The following MYRIP variants were observed in gnomAD, a reference collection of about 807,000 sequenced individuals.
The protein encoded by MYRIP is rab effector MyRIP.
In MYRIP, 49 loss-of-function variants were observed where a neutral mutation model predicts 98.0. The observed-to-expected ratio is 0.50, with a 90% CI of 0.40 to 0.63. The LOEUF is 0.63. Among genes scored for constraint, MYRIP ranks in the 30% least tolerant of loss-of-function variants. MYRIP has a pLI of 0.00. For missense variants in MYRIP, 1,004 were observed against 1,058.2 expected, an observed-to-expected ratio of 0.95 and a Z score of 0.71; for synonymous variants, 404 against 409.5, an observed-to-expected ratio of 0.99 and a Z score of 0.16.
intron 3 of MYRIP, among the ~76,000 whole-genome samples, chr3:40,103,533 C>G (rs1472823129): frequency 1.3e-5 from 2 of 152,176 alleles, no homozygotes; most frequent in Non-Finnish European, 2.9e-5. Context: ...CCAAGGTGGG[C>G]AGATCACCTG....
At chr3:40,219,125 A>C (rs1952244298) in intron 11 of MYRIP, among the ~76,000 whole-genome samples, 1 of 152,214 alleles carries the variant, frequency 6.6e-6, no homozygotes, top group Non-Finnish European at 1.5e-5. Flanking sequence ...ATCATTTGAG[A>C]AAAAACTAAA....
At chr3:40,184,398 T>G (rs1163888440) in intron 9 of MYRIP, among the ~76,000 whole-genome samples, 2 of 152,222 alleles carry the variant, frequency 1.3e-5, no homozygotes, top group Non-Finnish European at 2.9e-5. Context: ...GGCACTATTT[T>G]ATTTTTTCCT....
chr3:40,062,479 G>T (rs1948038924), intron 3 of MYRIP, among the ~76,000 whole-genome samples: 1 of 152,028 alleles, frequency 6.6e-6, no homozygotes, highest in Non-Finnish European at 1.5e-5. Flanking sequence ...GATATTAAAA[G>T]ATTAGTATAA....
chr3:40,190,162 C>T lies in MYRIP; in HGVS notation c.1364C>T (p.Ser455Leu), dbSNP rs761897118. 32 of 1,613,976 alleles carry T rather than the reference C, an allele frequency of 2.0e-5. No individual in the cohort carries two copies. The highest frequency in any genetic ancestry group is 2.4e-5 in the Non-Finnish European group (28 of 1,179,988). Residue 455 changes from serine to leucine, a missense_variant, in exon 10 of 17, where the codon TCG (serine) becomes TTG (leucine). Coordinates refer to ENST00000302541, the MANE Select transcript of MYRIP (RefSeq NM_015460.4). Reference protein sequence around the residue: ...SPNPEAMCSDSETSSAGSSRE... With the variant: ...SPNPEAMCSDLETSSAGSSRE... ...AACCCTGAGGCCATGTGCTCTGACT[C>T]GGAGACCTCCTCCGCAGGCTCTTCC...
chr3:39,881,948 G>T (rs1261134334), intron 1 of MYRIP, among the ~76,000 whole-genome samples: 2 of 150,720 alleles, frequency 1.3e-5, no homozygotes, highest in Non-Finnish European at 3.0e-5. Flanking sequence ...GACTTTTGAG[G>T]GTTTTTTTCC....
At chr3:40,212,085 T>C (rs1156433437) in intron 11 of MYRIP, among the ~76,000 whole-genome samples, 1 of 46,228 alleles carries the variant, frequency 2.2e-5, no homozygotes, top group African/African-American at 5.1e-5. Flanking sequence ...CATATAGCCA[T>C]ATATATATAT....
In MYRIP at chr3:39,965,185, C is replaced by A. The variant is rs555514541; in HGVS notation, c.110+64259C>A. Among the ~76,000 whole-genome samples the A allele has an allele frequency of 2.0e-5, 3 of 151,916 alleles. No homozygotes were observed. The East Asian group carries it at 5.8e-4, about 29-fold the overall frequency. On this transcript the variant is annotated intron_variant, in intron 2 of 16. Coordinates refer to ENST00000302541, the MANE Select transcript of MYRIP (RefSeq NM_015460.4). ...TTACATATTAAACTGATTAGTATTG[C>A]GACCCAATTGGATTTTACCTTCTTT...
intron 3 of MYRIP, among the ~76,000 whole-genome samples, chr3:40,098,041 G>T (rs1433270309): frequency 6.6e-6 from 1 of 152,156 alleles, no homozygotes; most frequent in African/African-American, 2.4e-5. Context: ...AGAGTTATTA[G>T]CACTTTCACT....
intron 3 of MYRIP, among the ~76,000 whole-genome samples, chr3:40,080,483 A>C (rs1471189125): frequency 2.0e-5 from 3 of 152,162 alleles, no homozygotes; most frequent in Middle Eastern, 6.8e-3. Context: ...AAAAGAAAAA[A>C]AGTGTATATA....
chr3:40,236,325 A>C (rs1406598650), intron 12 of MYRIP, among the ~76,000 whole-genome samples: 1 of 152,230 alleles, frequency 6.6e-6, no homozygotes, highest in Non-Finnish European at 1.5e-5. Flanking sequence ...ATTATTTAGC[A>C]AAGCATGACT....
intron 1 of MYRIP, among the ~76,000 whole-genome samples, chr3:39,816,822 T>C (rs1170692348): frequency 1.3e-5 from 2 of 152,244 alleles, no homozygotes; most frequent in African/African-American, 4.8e-5. Context: ...GAAATTTTTA[T>C]ATATTTTTTT....
intron 13 of MYRIP, 151 bp downstream of exon 13, chr3:40,244,758 C>G: frequency 1.2e-6 from 1 of 826,464 alleles, no homozygotes. Context: ...ATGGATTCCA[C>G]CAAATTCTCC....
rs184747436 is a variant in MYRIP at position 39,876,624 on chromosome 3, A to C, written c.-30-24163A>C. On this transcript the variant is annotated intron_variant, in intron 1 of 16. Transcript: ENST00000302541. ...GAAGCTTAGTTTGGCTGGATATGAA[A>C]TTCTGGTTTGAAAATTCTTTTCTTT... Among the ~76,000 whole-genome samples, 8 of 151,828 alleles carry C rather than the reference A, an allele frequency of 5.3e-5. No individual in the cohort carries two copies. In the East Asian group the frequency reaches 1.5e-3, roughly 29 times the overall value.
rs1447205902 is a variant in MYRIP, at chr3:40,150,699, GT to G, written c.333-348del. Among the ~76,000 whole-genome samples, 3 of 152,168 alleles carry G rather than the reference GT, an allele frequency of 2.0e-5. No individual in the cohort carries two copies. The East Asian group carries it at 5.8e-4, about 29-fold the overall frequency. ...CACTCATGTGTCTCCAGTCAAACTAGTGGCCGATGGCTTCTTTCACCTATCT... is the reference window on the plus strand; with the variant it reads ...CACTCATGTGTCTCCAGTCAAACTAGGGCCGATGGCTTCTTTCACCTATCT... On this transcript the variant is annotated intron_variant, in intron 3 of 16. Coordinates refer to ENST00000302541, the MANE Select transcript of MYRIP (RefSeq NM_015460.4).
intron 3 of MYRIP, among the ~76,000 whole-genome samples, chr3:40,099,680 C>T (rs958895483): frequency 6.6e-6 from 1 of 152,202 alleles, no homozygotes; most frequent in Non-Finnish European, 1.5e-5. Context: ...TTATTCCCTT[C>T]CCTCTGTACA....
chr3:40,242,816 C>G (rs1172623603), intron 12 of MYRIP, among the ~76,000 whole-genome samples: 4 of 152,004 alleles, frequency 2.6e-5, no homozygotes, highest in Admixed American at 6.6e-5. Context: ...CTTCAAACCT[C>G]TCTCTCTGTT....
At chr3:39,833,614 A>C (rs1941537829) in intron 1 of MYRIP, among the ~76,000 whole-genome samples, 1 of 152,336 alleles carries the variant, frequency 6.6e-6, no homozygotes, top group South Asian at 2.1e-4. Context: ...AGCGTTGGGT[A>C]CAAGTAGGCA....
At chr3:40,116,862 T>C (rs1282834280) in intron 3 of MYRIP, among the ~76,000 whole-genome samples, 2 of 152,238 alleles carry the variant, frequency 1.3e-5, no homozygotes, top group Admixed American at 6.5e-5. Flanking sequence ...CATAACATTA[T>C]TGATTTTGCC....
Position 40,258,171 on chromosome 3 carries a change from A to G in MYRIP, c.*5A>G, listed in dbSNP as rs1953659544. The G allele has an allele frequency of 6.2e-7, 1 of 1,614,154 alleles. No homozygotes were observed. The highest frequency in any genetic ancestry group is 1.1e-5 in the South Asian group (1 of 91,084). The stretch of plus-strand genomic sequence containing the variant: ...GAGTCAGCTGTGATGTACTGACACC[A>G]TGGAATTCCACTGCCAGTGACCCAC... On this transcript the variant is annotated 3_prime_UTR_variant, in exon 17 of 17. Transcript: ENST00000302541.
Sources: gnomAD v4.1 joint callset for allele counts (sites outside exome capture counted in the v4.1 genomes callset) on GRCh38, gnomAD v4.1.1 for gene constraint, MANE v1.5 for transcripts, NCBI Gene and HGNC (gene_info 2026-07-23, HGNC 2026-07-21) for gene names.